Variants in KYNU observed in about 807,000 individuals in gnomAD.
KYNU encodes L-kynurenine hydrolase.
A neutral mutation model predicts 59.2 loss-of-function variants in KYNU; 54 were observed. That is an observed-to-expected ratio of 0.91 (90% CI 0.73 to 1.14). The LOEUF is 1.14. Among genes scored for constraint, KYNU ranks in the 50% most tolerant of loss-of-function variants. The pLI, the probability that KYNU is intolerant of heterozygous loss-of-function variation, is 0.00. For missense variants in KYNU, 567 were observed against 554.4 expected, an observed-to-expected ratio of 1.02 and a Z score of -0.23; for synonymous variants, 177 against 192.0, an observed-to-expected ratio of 0.92 and a Z score of 0.65.
chr2:142,934,944 G>A (rs1000759383), intron 4 of KYNU, among the ~76,000 whole-genome samples: 7 of 152,230 alleles, frequency 4.6e-5, no homozygotes, highest in Non-Finnish European at 8.8e-5. Flanking sequence ...TGAAACAGGC[G>A]CCAGGTGGAG....
chr2:142,919,269 A>G (rs1682785221), intron 3 of KYNU, among the ~76,000 whole-genome samples: 1 of 152,230 alleles, frequency 6.6e-6, no homozygotes, highest in Admixed American at 6.5e-5. Context: ...AAAAACTTTT[A>G]CAATATTTAA....
rs1681469907 is a variant in KYNU at position 142,885,381 on chromosome 2, C to G, written c.14C>G (p.Ser5Cys). 6.2e-7 allele frequency: 1 copy of G among 1,613,940 alleles called. No individual in the cohort carries two copies. Among genetic ancestry groups the G allele is most frequent in the Non-Finnish European group, 8.5e-7 (1 of 1,179,950 alleles). The part of the protein sequence containing the change: MEPS[S>C]LELPADTVQR... ...GAACAACTTGTAATGGAGCCTTCAT[C>G]TCTTGAGCTGCCGGCTGACACAGTG... The change falls in exon 2 of 14, where the codon TCT becomes TGT. Residue 5 changes from serine (S) to cysteine (C), a missense_variant. Ser to Cys is a moderately radical substitution (Grantham distance 112). Transcript: ENST00000264170.
At position 142,943,832 on chromosome 2, in the gene KYNU, A is replaced by C. The variant is rs17192994; in HGVS notation, c.374-10978A>C. ...TGAAATTTGTTACTTGAAAAATGGAATGTAAAGTTCTTGGACTTAGCCTAA... is the reference window on the plus strand; with the variant it reads ...TGAAATTTGTTACTTGAAAAATGGACTGTAAAGTTCTTGGACTTAGCCTAA... On this transcript the variant is annotated intron_variant, in intron 4 of 13. Transcript: ENST00000264170. Among the ~76,000 whole-genome samples the C allele has an allele frequency of 6.7e-3, 1,025 of 152,314 alleles. 14 individuals carry two copies. Among genetic ancestry groups the C allele is most frequent in the Non-Finnish European group, 7.9e-3 (535 of 68,010 alleles).
intron 12 of KYNU, among the ~76,000 whole-genome samples, chr2:143,038,076 C>T (rs918233476): frequency 3.3e-5 from 5 of 152,138 alleles, no homozygotes; most frequent in South Asian, 2.1e-4. Flanking sequence ...ACATTCCCTA[C>T]GCCCCTTTAA....
chr2:142,976,869 G>A lies in KYNU; in HGVS notation c.730-8215G>A, dbSNP rs569277665. On this transcript the variant is annotated intron_variant, in intron 8 of 13. Transcript: ENST00000264170. The stretch of plus-strand genomic sequence containing the variant: ...TTAATCTGGAAGGGAAAGACAACTC[G>A]AAGCTGAAAGCCTGGGGAGGAGAGG... Among the ~76,000 whole-genome samples the A allele has an allele frequency of 4.6e-5, 7 of 152,248 alleles. No homozygotes were observed. In the South Asian group the frequency reaches 8.3e-4, roughly 18 times the overall value.
chr2:142,944,391 A>G (rs1047381017), intron 4 of KYNU, among the ~76,000 whole-genome samples: 2 of 152,196 alleles, frequency 1.3e-5, no homozygotes, highest in Non-Finnish European at 2.9e-5. Context: ...TGTTCAATAA[A>G]TAAATAAACA....
intron 8 of KYNU, among the ~76,000 whole-genome samples, chr2:142,981,472 T>A (rs1287075669): frequency 6.6e-6 from 1 of 152,098 alleles, no homozygotes; most frequent in African/African-American, 2.4e-5. Flanking sequence ...CAAATAAATG[T>A]GTGTGGAGGG....
intron 4 of KYNU, among the ~76,000 whole-genome samples, chr2:142,940,845 T>A (rs543484595): frequency 6.6e-6 from 1 of 152,324 alleles, no homozygotes; most frequent in South Asian, 2.1e-4. Context: ...CACAGTGCCC[T>A]TTGCAGGCTC....
chr2:142,937,230 C>G (rs1369264586), intron 4 of KYNU, among the ~76,000 whole-genome samples: 1 of 152,066 alleles, frequency 6.6e-6, no homozygotes, highest in African/African-American at 2.4e-5. Context: ...CACCTTGGTA[C>G]TGGGCCTGAG....
intron 4 of KYNU, 112 bp from the exon 5 acceptor site, chr2:142,954,698 G>T (rs919956036): frequency 1.4e-6 from 1 of 725,838 alleles, no homozygotes. Flanking sequence ...CATCAAATAT[G>T]CCCTTATCTC....
At chr2:143,032,898 A>G (rs1686798143) in intron 11 of KYNU, among the ~76,000 whole-genome samples, 1 of 152,156 alleles carries the variant, frequency 6.6e-6, no homozygotes, top group African/African-American at 2.4e-5. Context: ...TGGTTTCATA[A>G]TAGAATAGCA....
intron 8 of KYNU, among the ~76,000 whole-genome samples, chr2:142,975,981 A>AT (rs1684868448): frequency 6.6e-6 from 1 of 152,166 alleles, no homozygotes; most frequent in East Asian, 1.9e-4. Flanking sequence ...CTTCAAAATT[A>AT]ATGTCACAGG....
intron 3 of KYNU, among the ~76,000 whole-genome samples, chr2:142,922,827 G>A (rs1425526006): frequency 6.6e-6 from 1 of 152,152 alleles, no homozygotes; most frequent in Non-Finnish European, 1.5e-5. Context: ...GATCTGTCTT[G>A]GTTTGTTCCC....
At chr2:143,033,353 CTT>C in intron 12 of KYNU, 32 bp downstream of exon 12, 1 of 1,494,486 alleles carries the variant, frequency 6.7e-7, no homozygotes, top group Non-Finnish European at 9.3e-7. Flanking sequence ...CTTCCCACAT[CTT>C]TGCGTTTTTT....
intron 10 of KYNU, among the ~76,000 whole-genome samples, chr2:143,005,363 T>A (rs75125313): frequency 0.052 from 7,972 of 152,220 alleles, 554 homozygotes; most frequent in African/African-American, 0.16. Context: ...CCAGGTTCCA[T>A]GTTAGGACCT....
chr2:142,980,898 G>T (rs1685033566), intron 8 of KYNU, among the ~76,000 whole-genome samples: 1 of 152,092 alleles, frequency 6.6e-6, no homozygotes, highest in Non-Finnish European at 1.5e-5. Flanking sequence ...TTACCTACAT[G>T]AGGCAAAACA....
chr2:143,041,928 A>G (rs957501420), intron 13 of KYNU, 119 bp from the exon 14 acceptor site: 1 of 978,616 alleles, frequency 1.0e-6, no homozygotes, highest in Non-Finnish European at 1.6e-6. Flanking sequence ...AAAATTTTGC[A>G]TATATATTAA....
Position 143,047,748 on chromosome 2 carries a change from T to G in KYNU, c.*5576T>G, listed in dbSNP as rs1394278601. The G allele has an allele frequency of 2.0e-5, 3 of 151,692 alleles. No individual in the cohort carries two copies. The highest frequency in any genetic ancestry group is 4.4e-5 in the Non-Finnish European group (3 of 68,194). The allele number at this position is 151,692 out of a possible 1,614,324, so 9.4% of individuals were successfully genotyped here. On this transcript the variant is annotated 3_prime_UTR_variant, in exon 14 of 14. Coordinates refer to ENST00000264170, the MANE Select transcript of KYNU (RefSeq NM_003937.3). ...TTTAAAAATAATTTTTTTTGTAGAT[T>G]CAGAGTCTTGCTATGTTGCCCAGGC...
chr2:142,959,486 T>C (rs1684268803), intron 7 of KYNU, among the ~76,000 whole-genome samples: 1 of 151,872 alleles, frequency 6.6e-6, no homozygotes, highest in African/African-American at 2.4e-5. Context: ...CTCAGGAGGC[T>C]GAGGCAGGAG....
Sources: gnomAD v4.1 joint callset for allele counts (sites outside exome capture counted in the v4.1 genomes callset) on GRCh38, gnomAD v4.1.1 for gene constraint, MANE v1.5 for transcripts, NCBI Gene and HGNC (gene_info 2026-07-23, HGNC 2026-07-21) for gene names.